ERC2: variants seen among roughly 807,000 people sequenced by gnomAD.
ERC2 encodes ELKS/RAB6-interacting/CAST family member 2, also known as ERC protein 2.
Under a neutral mutation model 114.8 loss-of-function variants are expected in ERC2, and 42 were observed. That is an observed-to-expected ratio of 0.37 (90% CI 0.29 to 0.47). The LOEUF is 0.47. Ranked by LOEUF, ERC2 falls within the 20% of genes least tolerant of loss-of-function variation. ERC2 has a pLI of 0.99. For synonymous variants in ERC2, 454 were observed against 425.5 expected, an observed-to-expected ratio of 1.07 and a Z score of -0.82; for missense variants, 939 against 1,150.7, an observed-to-expected ratio of 0.82 and a Z score of 2.66.
rs554595146 is a variant in ERC2 at position 56,153,205 on chromosome 3, C to A, written c.1150-4073G>T. ...TAGGGCACCTATTGGGAACCAGTCA[C>A]TTTGCCAGGTGAGTAAGATACCAGG... is the stretch of plus-strand genomic sequence containing the variant. On this transcript the variant is annotated intron_variant, in intron 4 of 17. Coordinates refer to ENST00000288221, the MANE Select transcript of ERC2 (RefSeq NM_015576.3). 2.0e-5 allele frequency among the ~76,000 whole-genome samples: 3 copies of A among 152,236 alleles called. No homozygotes were observed. In the South Asian group the frequency reaches 6.2e-4, roughly 32 times the overall value.
At chr3:56,340,658 T>C (rs532655453) in intron 2 of ERC2, among the ~76,000 whole-genome samples, 1 of 151,926 alleles carries the variant, frequency 6.6e-6, no homozygotes, top group South Asian at 2.1e-4. Flanking sequence ...ACAGCATGCA[T>C]AATCGTCTGA....
chr3:55,605,561 T>C (rs968197391), intron 17 of ERC2, among the ~76,000 whole-genome samples: 3 of 152,210 alleles, frequency 2.0e-5, no homozygotes, highest in Non-Finnish European at 4.4e-5. Flanking sequence ...AGGAAATAGA[T>C]CATTGTGATT....
At chr3:55,991,667 G>A (rs996046343) in intron 11 of ERC2, among the ~76,000 whole-genome samples, 13 of 152,116 alleles carry the variant, frequency 8.5e-5, no homozygotes, top group Admixed American at 6.5e-4. Flanking sequence ...TCGGTTTTTG[G>A]TGTTGGTGGT....
intron 17 of ERC2, among the ~76,000 whole-genome samples, chr3:55,524,634 C>T (rs2053191587): frequency 6.6e-6 from 1 of 151,240 alleles, no homozygotes; most frequent in African/African-American, 2.4e-5. Flanking sequence ...ATTTAAGCCA[C>T]AAGAAGGAGC....
At chr3:56,158,788 G>A (rs1006620127) in intron 4 of ERC2, among the ~76,000 whole-genome samples, 5 of 146,910 alleles carry the variant, frequency 3.4e-5, no homozygotes, top group African/African-American at 1.3e-4. Flanking sequence ...TCTGATTATG[G>A]CTTTTCTTTT....
At chr3:55,838,074 T>C (rs1182726683) in intron 14 of ERC2, among the ~76,000 whole-genome samples, 2 of 151,722 alleles carry the variant, frequency 1.3e-5, no homozygotes, top group Non-Finnish European at 2.9e-5. Context: ...TCAGGAAACA[T>C]CAAGCAGAAA....
chr3:56,044,048 T>A (rs1429329461), intron 7 of ERC2, among the ~76,000 whole-genome samples: 2 of 152,210 alleles, frequency 1.3e-5, no homozygotes, highest in African/African-American at 4.8e-5. Flanking sequence ...CAGACAGGCT[T>A]TACAATTCGG....
rs563254486 is a variant in ERC2, at chr3:56,388,362, C to T, written c.657+45989G>A. Among the ~76,000 whole-genome samples, 3 of 152,268 alleles carry T rather than the reference C, an allele frequency of 2.0e-5. No homozygotes were observed. The South Asian group carries it at 6.2e-4, about 32-fold the overall frequency. ...TAACCTGGAACTTCCTCCTCTCCCC[C>T]TTCCTCCTGCTCTTGCTATGTGACA... On this transcript the variant is annotated intron_variant, in intron 2 of 17. Coordinates refer to ENST00000288221, the MANE Select transcript of ERC2 (RefSeq NM_015576.3).
chr3:56,007,837 A>G (rs2072619303), intron 9 of ERC2, among the ~76,000 whole-genome samples: 1 of 152,154 alleles, frequency 6.6e-6, no homozygotes, highest in South Asian at 2.1e-4. Context: ...CTGGAAAATT[A>G]ACATAAAATT....
intron 6 of ERC2, among the ~76,000 whole-genome samples, chr3:56,097,123 A>T (rs2078105064): frequency 6.6e-6 from 1 of 152,130 alleles, no homozygotes; most frequent in Non-Finnish European, 1.5e-5. Flanking sequence ...GTAACACCAA[A>T]CTCTGTGCAA....
intron 13 of ERC2, among the ~76,000 whole-genome samples, chr3:55,890,229 G>A (rs1301255864): frequency 6.6e-6 from 1 of 152,188 alleles, no homozygotes; most frequent in Non-Finnish European, 1.5e-5. Flanking sequence ...TTAAAGCGGA[G>A]TTTTGAGTTT....
intron 17 of ERC2, among the ~76,000 whole-genome samples, chr3:55,570,618 C>G (rs7609711): frequency 0.072 from 10,891 of 152,100 alleles, 531 homozygotes; most frequent in South Asian, 0.15. Flanking sequence ...CTGGCATGCC[C>G]GGGGAAGAAC....
rs138869335 is a variant in ERC2, at chr3:55,797,610, G to A, written c.2565-62692C>T. On this transcript the variant is annotated intron_variant, in intron 14 of 17. Coordinates refer to ENST00000288221, the MANE Select transcript of ERC2 (RefSeq NM_015576.3). ...GTGAGGGAAAGATAGTGGAACAGAC[G>A]AGAATAAGTGCAAATTTAGATATAC... Among the ~76,000 whole-genome samples the A allele has an allele frequency of 1.1e-3, 172 of 152,284 alleles. 1 individual carries two copies. Among genetic ancestry groups the A allele is most frequent in the African/African-American group, 3.8e-3 (157 of 41,562 alleles).
chr3:55,693,806 T>G (rs1392059233), intron 16 of ERC2, among the ~76,000 whole-genome samples: 2 of 151,996 alleles, frequency 1.3e-5, no homozygotes, highest in African/African-American at 4.8e-5. Context: ...CCTCCCAGGT[T>G]CAAGTGATTC....
intron 14 of ERC2, among the ~76,000 whole-genome samples, chr3:55,871,300 G>A (rs2062573298): frequency 6.6e-6 from 1 of 152,148 alleles, no homozygotes; most frequent in Non-Finnish European, 1.5e-5. Flanking sequence ...CAACCATGAA[G>A]AAGTGAATTT....
chr3:55,784,158 T>C (rs2069288102), intron 14 of ERC2, among the ~76,000 whole-genome samples: 1 of 152,116 alleles, frequency 6.6e-6, no homozygotes, highest in African/African-American at 2.4e-5. Flanking sequence ...TCTTTGTCTT[T>C]TGTTTTGTTT....
At chr3:56,276,226 G>T (rs940261044) in intron 3 of ERC2, among the ~76,000 whole-genome samples, 7 of 152,082 alleles carry the variant, frequency 4.6e-5, no homozygotes, top group African/African-American at 9.7e-5. Flanking sequence ...TTTCTGTAAG[G>T]TCCTTGTATC....
chr3:55,551,517 C>T (rs1419655168), intron 17 of ERC2, among the ~76,000 whole-genome samples: 4 of 151,624 alleles, frequency 2.6e-5, no homozygotes, highest in African/African-American at 4.8e-5. Flanking sequence ...AGTGCGATTC[C>T]GTCTCAAAAA....
chr3:55,601,059 A>C (rs9866260), intron 17 of ERC2, among the ~76,000 whole-genome samples: 3,047 of 152,330 alleles, frequency 0.02, 114 homozygotes, highest in African/African-American at 0.069. Flanking sequence ...GGGGTAACAC[A>C]AACGAAGGAA....
Sources: gnomAD v4.1 joint callset for allele counts (sites outside exome capture counted in the v4.1 genomes callset) on GRCh38, gnomAD v4.1.1 for gene constraint, MANE v1.5 for transcripts, NCBI Gene and HGNC (gene_info 2026-07-23, HGNC 2026-07-21) for gene names.